ASIC2: variants seen among roughly 807,000 people sequenced by gnomAD.
ASIC2 encodes the protein acid sensing ion channel subunit 2, also known as acid-sensing ion channel 2.
A neutral mutation model predicts 57.3 loss-of-function variants in ASIC2; 25 were observed. The ratio of observed to expected loss-of-function variants is 0.44; its 90% CI spans 0.32 to 0.61. The LOEUF (loss-of-function observed/expected upper bound fraction) is 0.61, where lower values mean the gene tolerates loss of function less well. Among genes scored for constraint, ASIC2 ranks in the 20% least tolerant of loss-of-function variants. The pLI, the probability that ASIC2 is intolerant of heterozygous loss-of-function variation, is 0.06. For missense variants in ASIC2, 641 were observed against 738.1 expected (o/e 0.87, Z 1.52); for synonymous variants, 319 against 307.5 (o/e 1.04, Z -0.39).
chr17:34,095,617 A>AAAATTATATATATCTCTCTCTC (rs71922941), intron 1 of ASIC2, among the ~76,000 whole-genome samples: 1 of 80,666 alleles, frequency 1.2e-5, no homozygotes, highest in Admixed American at 1.4e-4. Context: ...TTATATATAT[A>AAAATTATATATATCTCTCTCTC]TATATATATA....
chr17:33,465,571 A>C (rs1567621670), intron 1 of ASIC2, among the ~76,000 whole-genome samples: 1 of 151,896 alleles, frequency 6.6e-6, no homozygotes, highest in Admixed American at 6.6e-5. Flanking sequence ...ACAGAGTTTC[A>C]CCATGTTGGC....
At position 33,887,066 on chromosome 17, in the gene ASIC2, T is replaced by G. The variant is rs1914846972; in HGVS notation, c.555+268912A>C. Among the ~76,000 whole-genome samples, 3 of 152,206 alleles carry G rather than the reference T, an allele frequency of 2.0e-5. No individual in the cohort carries two copies. In the South Asian group the frequency reaches 6.2e-4, roughly 32 times the overall value. ...TGAAAACCTCATCAAGTTAATTTTG[T>G]TGAAACAGGAGAAAACGACATAAAA... On this transcript the variant is annotated intron_variant, in intron 1 of 9. Transcript: ENST00000359872.
intron 1 of ASIC2, among the ~76,000 whole-genome samples, chr17:33,976,182 G>C (rs542267721): frequency 3.2e-4 from 48 of 151,328 alleles, no homozygotes; most frequent in Admixed American, 2.1e-3. Context: ...TCTGTAAATG[G>C]GGTATTAATC....
intron 1 of ASIC2, among the ~76,000 whole-genome samples, chr17:33,610,711 A>C (rs946407166): frequency 2.7e-5 from 4 of 147,776 alleles, no homozygotes; most frequent in Non-Finnish European, 5.9e-5. Flanking sequence ...GCAATAAATA[A>C]ATAAAAAATA....
At chr17:33,625,928 A>G (rs766632412) in intron 1 of ASIC2, among the ~76,000 whole-genome samples, 1 of 152,192 alleles carries the variant, frequency 6.6e-6, no homozygotes, top group Admixed American at 6.5e-5. Context: ...AAGCCAACCA[A>G]CCAACCTCCT....
At chr17:33,391,959 A>G (rs1243287280) in intron 1 of ASIC2, among the ~76,000 whole-genome samples, 1 of 152,162 alleles carries the variant, frequency 6.6e-6, no homozygotes, top group African/African-American at 2.4e-5. Context: ...TGTTCTTTTG[A>G]TTCCAAAATT....
chr17:34,095,628 T>TAA (rs1555595809), intron 1 of ASIC2, among the ~76,000 whole-genome samples: 2 of 67,816 alleles, frequency 2.9e-5, no homozygotes, highest in Non-Finnish European at 4.9e-5. Flanking sequence ...TATATATATA[T>TAA]AATTTTATAT....
At chr17:33,374,429 C>T (rs1909201605) in intron 1 of ASIC2, among the ~76,000 whole-genome samples, 1 of 152,154 alleles carries the variant, frequency 6.6e-6, no homozygotes, top group Non-Finnish European at 1.5e-5. Flanking sequence ...GTTTTCCACA[C>T]CCCTATGATT....
intron 1 of ASIC2, among the ~76,000 whole-genome samples, chr17:33,367,698 T>A (rs1908870148): frequency 6.6e-6 from 1 of 152,222 alleles, no homozygotes; most frequent in South Asian, 2.1e-4. Context: ...TTCAGAAAGA[T>A]CTTTAGTAAA....
intron 1 of ASIC2, among the ~76,000 whole-genome samples, chr17:34,015,544 TCA>T (rs537293934): frequency 1.3e-5 from 2 of 152,324 alleles, no homozygotes; most frequent in South Asian, 4.1e-4. Context: ...CTCTCCTATC[TCA>T]GAGGCTGCTG....
chr17:33,295,426 G>C (rs1221048463), upstream of ASIC2, among the ~76,000 whole-genome samples: 1 of 152,182 alleles, frequency 6.6e-6, no homozygotes, highest in African/African-American at 2.4e-5. Flanking sequence ...CCTCTTCTCT[G>C]ACCAGTTCTT....
chr17:34,027,440 T>C (rs887036412), intron 1 of ASIC2, among the ~76,000 whole-genome samples: 6 of 152,160 alleles, frequency 3.9e-5, no homozygotes, highest in Non-Finnish European at 8.8e-5. Flanking sequence ...TGCCCCCCTA[T>C]AACCATTTAG....
intron 1 of ASIC2, among the ~76,000 whole-genome samples, chr17:33,767,740 T>A (rs1910974757): frequency 6.6e-6 from 1 of 152,236 alleles, no homozygotes; most frequent in African/African-American, 2.4e-5. Flanking sequence ...CTAAGGCCAA[T>A]TTACTTGTAA....
intron 3 of ASIC2, among the ~76,000 whole-genome samples, chr17:33,038,613 T>C (rs1006835305): frequency 1.3e-5 from 2 of 152,234 alleles, no homozygotes; most frequent in African/African-American, 2.4e-5. Context: ...GCTATGGAAC[T>C]GGAGGCTTTG....
chr17:33,452,859 C>T (rs949456437), intron 1 of ASIC2, among the ~76,000 whole-genome samples: 13 of 151,818 alleles, frequency 8.6e-5, no homozygotes, highest in African/African-American at 2.4e-4. Flanking sequence ...AGGGCTGGAA[C>T]CCAGCTGAAA....
At chr17:33,891,597 C>T (rs1165100591) in intron 1 of ASIC2, among the ~76,000 whole-genome samples, 1 of 152,126 alleles carries the variant, frequency 6.6e-6, no homozygotes, top group African/African-American at 2.4e-5. Context: ...AGGTTAATCC[C>T]ATAGACACTG....
At chr17:34,085,680 G>T (rs1312612733) in intron 1 of ASIC2, among the ~76,000 whole-genome samples, 1 of 151,910 alleles carries the variant, frequency 6.6e-6, no homozygotes, top group African/African-American at 2.4e-5. Context: ...GACTCTTTTT[G>T]GTTGGTAAGC....
chr17:33,998,147 A>G (rs2041279591), intron 1 of ASIC2, among the ~76,000 whole-genome samples: 1 of 151,714 alleles, frequency 6.6e-6, no homozygotes, highest in African/African-American at 2.4e-5. Flanking sequence ...AAGGTTATTC[A>G]TTTTTCCTAG....
At chr17:33,190,560 G>A (rs949177765) in intron 1 of ASIC2, among the ~76,000 whole-genome samples, 3 of 152,150 alleles carry the variant, frequency 2.0e-5, no homozygotes, top group African/African-American at 7.2e-5. Context: ...ATATGGAAAT[G>A]TGAAAGACCT....
Sources: gnomAD v4.1 joint callset for allele counts (sites outside exome capture counted in the v4.1 genomes callset) on GRCh38, gnomAD v4.1.1 for gene constraint, MANE v1.5 for transcripts, NCBI Gene and HGNC (gene_info 2026-07-23, HGNC 2026-07-21) for gene names.